FAM91A1: variants seen among roughly 807,000 people sequenced by gnomAD.
FAM91A1 encodes the protein protein FAM91A1.
FAM91A1 carries 41 observed loss-of-function variants against 113.5 expected under a neutral mutation model. The ratio of observed to expected loss-of-function variants is 0.36; its 90% CI spans 0.28 to 0.47. The LOEUF is 0.47. Among genes scored for constraint, FAM91A1 ranks in the 20% least tolerant of loss-of-function variants. The probability of loss-of-function intolerance (pLI) is 1.00; values close to 1 mark genes in which losing one functional copy is unlikely to be tolerated. For synonymous variants in FAM91A1, 307 were observed against 347.9 expected (o/e 0.88, Z 1.31); for missense variants, 696 against 1,001.2 (o/e 0.70, Z 4.11).
chr8:123,786,446 A>G, intron 11 of FAM91A1, 49 bp from the exon 12 acceptor site: 2 of 1,260,862 alleles, frequency 1.6e-6, no homozygotes, highest in Non-Finnish European at 2.3e-6. Context: ...ATTTTAATGT[A>G]AGGTCATTTA....
chr8:123,799,707 A>G (rs2130132664), intron 17 of FAM91A1, 53 bp downstream of exon 17: 2 of 1,606,966 alleles, frequency 1.2e-6, no homozygotes, highest in African/African-American at 1.3e-5. Flanking sequence ...GCAGTATGCT[A>G]GATAATTTCT....
intron 1 of FAM91A1, among the ~76,000 whole-genome samples, chr8:123,769,145 G>T (rs1814778964): frequency 6.6e-6 from 1 of 152,232 alleles, no homozygotes; most frequent in Non-Finnish European, 1.5e-5. Flanking sequence ...GATGATAGCA[G>T]CTCATACACA....
chr8:123,775,339 G>A (rs1814956379), intron 3 of FAM91A1, 41 bp downstream of exon 3: 1 of 1,594,662 alleles, frequency 6.3e-7, no homozygotes, highest in Non-Finnish European at 8.6e-7. Flanking sequence ...AATGGGATGG[G>A]ACTACATGTC....
chr8:123,774,193 G>C, intron 2 of FAM91A1, 29 bp downstream of exon 2: 1 of 1,496,514 alleles, frequency 6.7e-7, no homozygotes, highest in East Asian at 2.3e-5. Flanking sequence ...ATATTGGGGT[G>C]GAACTGACCA....
chr8:123,790,393 A>C lies in FAM91A1; in HGVS notation c.1411+648A>C, dbSNP rs1266167353. 2.0e-5 allele frequency among the ~76,000 whole-genome samples: 3 copies of C among 152,182 alleles called. No individual in the cohort carries two copies. In the East Asian group the frequency reaches 5.8e-4, roughly 29 times the overall value. On this transcript the variant is annotated intron_variant, in intron 15 of 23. Coordinates refer to ENST00000334705, the MANE Select transcript of FAM91A1 (RefSeq NM_144963.4). ...AGTAGGTTTTGAGGTGTGGCATGGCACTCAGGAATGTGTGTTTTTTAAAAG... is the reference window on the plus strand; with the variant it reads ...AGTAGGTTTTGAGGTGTGGCATGGCCCTCAGGAATGTGTGTTTTTTAAAAG...
At chr8:123,790,533 A>T (rs1183898734) in intron 15 of FAM91A1, among the ~76,000 whole-genome samples, 1 of 152,214 alleles carries the variant, frequency 6.6e-6, no homozygotes, top group African/African-American at 2.4e-5. Context: ...TACCACTATA[A>T]CGTTTAATTT....
At chr8:123,794,942 T>G (rs903310709) in intron 15 of FAM91A1, among the ~76,000 whole-genome samples, 8 of 152,246 alleles carry the variant, frequency 5.3e-5, no homozygotes, top group African/African-American at 1.9e-4. Flanking sequence ...AAGCTGTTTT[T>G]ACATCTGTGC....
At chr8:123,799,335 GA>G (rs1272752983) in intron 16 of FAM91A1, among the ~76,000 whole-genome samples, 184 bp from the exon 17 acceptor site, 1 of 152,168 alleles carries the variant, frequency 6.6e-6, no homozygotes, top group African/African-American at 2.4e-5. Context: ...TAATTGCAGT[GA>G]CAAGACATAA....
chr8:123,794,483 A>G (rs1055841996), intron 15 of FAM91A1, among the ~76,000 whole-genome samples: 1 of 152,242 alleles, frequency 6.6e-6, no homozygotes, highest in Admixed American at 6.5e-5. Context: ...GTATTAAGCT[A>G]TAACTGCATA....
chr8:123,775,553 C>T (rs1340617138), intron 3 of FAM91A1, among the ~76,000 whole-genome samples: 2 of 152,094 alleles, frequency 1.3e-5, no homozygotes, highest in Non-Finnish European at 2.9e-5. Flanking sequence ...ACCCTTTGTG[C>T]TGTTGTAGTA....
Position 123,784,539 on chromosome 8 carries a change from T to G in FAM91A1, c.773T>G (p.Ile258Arg). The stretch of plus-strand genomic sequence containing the variant: ...TATTTTGAAACTCTACTCTATAAGA[T>G]ATTTGTTTCAATAGATGAGCACACA... Reference protein sequence around the residue: ...GDYFETLLYKIFVSIDEHTNV... With the variant: ...GDYFETLLYKRFVSIDEHTNV... The change falls in exon 9 of 24, where the codon ATA (isoleucine) becomes AGA (arginine). Residue 258 changes from isoleucine to arginine, a missense_variant. Physicochemically the swap from Ile to Arg is moderately conservative, Grantham distance 97. Coordinates refer to ENST00000334705, the MANE Select transcript of FAM91A1 (RefSeq NM_144963.4). 6.2e-7 allele frequency: 1 copy of G among 1,608,276 alleles called. No individual in the cohort carries two copies. The highest frequency in any genetic ancestry group is 8.5e-7 in the Non-Finnish European group (1 of 1,178,020).
chr8:123,778,177 A>G (rs951823341), intron 5 of FAM91A1, 85 bp downstream of exon 5: 21 of 1,013,384 alleles, frequency 2.1e-5, no homozygotes, highest in Non-Finnish European at 3.0e-5. Flanking sequence ...AATGAATTGT[A>G]TGTCTTTGAC....
chr8:123,810,312 A>G lies in FAM91A1; in HGVS notation c.2292A>G (p.Lys764=). The G allele has an allele frequency of 6.2e-7, 1 of 1,612,420 alleles. No individual in the cohort carries two copies. Among genetic ancestry groups the G allele is most frequent in the South Asian group, 1.1e-5 (1 of 90,708 alleles). ...SLQNLLHSSR[K]LSLQVLNFVH... Reference sequence around the variant, plus strand: ...AAAACCTCTTACATTCCAGTAGAAAACTCTCTCTGCAAGTCCTTAACTTTG... The same window carrying G: ...AAAACCTCTTACATTCCAGTAGAAAGCTCTCTCTGCAAGTCCTTAACTTTG... The change falls in exon 23 of 24, where the codon AAA becomes AAG. Residue 764 remains lysine (K), a synonymous_variant. Transcript: ENST00000334705.
chr8:123,812,372 C>A, intron 23 of FAM91A1, 147 bp from the exon 24 acceptor site: 2 of 552,320 alleles, frequency 3.6e-6, no homozygotes, highest in African/African-American at 2.0e-5. Context: ...TTGCTTTGGG[C>A]TCACAGTGTA....
chr8:123,768,823 G>T (rs1190553734), intron 1 of FAM91A1, 49 bp downstream of exon 1: 1 of 1,573,530 alleles, frequency 6.4e-7, no homozygotes, highest in Admixed American at 1.7e-5. Context: ...GGCCCGCCCA[G>T]CGGTCACCTG....
At chr8:123,811,582 TGGAGGGAAG>T (rs1274686360) in intron 23 of FAM91A1, 1 of 151,896 alleles carries the variant, frequency 6.6e-6, no homozygotes, top group African/African-American at 2.4e-5. Flanking sequence ...ATTAGGGCTG[TGGAGGGAAG>T]GGAGGGGAGG....
chr8:123,806,626 A>G (rs1258426045), intron 20 of FAM91A1, among the ~76,000 whole-genome samples: 2 of 152,162 alleles, frequency 1.3e-5, no homozygotes, highest in African/African-American at 4.8e-5. Flanking sequence ...TAGGTCTAAA[A>G]TCTTACCTTT....
chr8:123,780,490 C>T lies in FAM91A1; in HGVS notation c.651C>T (p.Asn217=), dbSNP rs985941353. 1 of 1,611,084 alleles carries T rather than the reference C, an allele frequency of 6.2e-7. No homozygotes were observed. The highest frequency in any genetic ancestry group is 1.1e-5 in the South Asian group (1 of 90,704). The change falls in exon 8 of 24, where the codon AAC becomes AAT. Residue 217 remains asparagine, a synonymous_variant. Coordinates refer to ENST00000334705, the MANE Select transcript of FAM91A1 (RefSeq NM_144963.4). Reference sequence around the variant, plus strand: ...CTTTTGTTTCTTCAGGTTTGTATAACAAAGGATTTATTTATCTGGATGTAC... The same window carrying T: ...CTTTTGTTTCTTCAGGTTTGTATAATAAAGGATTTATTTATCTGGATGTAC... ...LDYNVVHSLY[N]KGFIYLDVPI...
Sources: allele counts gnomAD v4.1 joint callset (sites outside exome capture counted in the v4.1 genomes callset), GRCh38; gene constraint gnomAD v4.1.1; transcripts MANE v1.5; gene names NCBI Gene and HGNC (gene_info 2026-07-23, HGNC 2026-07-21).